The following PLAAT3 variants were observed in gnomAD, a reference collection of about 807,000 sequenced individuals.
PLAAT3 encodes phospholipase A and acyltransferase 3.
A neutral mutation model predicts 16.7 loss-of-function variants in PLAAT3; 21 were observed. That is an observed-to-expected ratio of 1.26 (90% CI 0.89 to 1.81). PLAAT3 has a LOEUF of 1.81. Ranked by LOEUF, PLAAT3 falls within the 40% of genes most tolerant of loss-of-function variation. The pLI is 0.00. For synonymous variants in PLAAT3, 76 were observed against 81.7 expected (o/e 0.93, Z 0.38); for missense variants, 219 against 213.7 (o/e 1.02, Z -0.16).
intron 2 of PLAAT3, chr11:63,608,662 G>T (rs1460707005): frequency 1.3e-5 from 2 of 152,174 alleles, no homozygotes; most frequent in African/African-American, 2.4e-5. Flanking sequence ...CGTGCCATTT[G>T]TCTCATCAGA....
rs1938647406 is a variant in PLAAT3 at position 63,609,680 on chromosome 11, G to C, written c.15+4320C>G. On this transcript the variant is annotated intron_variant, in intron 2 of 4. Coordinates refer to ENST00000415826, the MANE Select transcript of PLAAT3 (RefSeq NM_001128203.2). ...GGAGGAGGAGGGATGAACAGCAGCT[G>C]GCCTGACACATTACACTTTCCCTTA... 2.0e-5 allele frequency among the ~76,000 whole-genome samples: 3 copies of C among 152,172 alleles called. No individual in the cohort carries two copies. In the South Asian group the frequency reaches 6.2e-4, roughly 32 times the overall value.
intron 4 of PLAAT3, among the ~76,000 whole-genome samples, chr11:63,589,435 G>T (rs868173685): frequency 6.8e-6 from 1 of 147,996 alleles, no homozygotes; most frequent in Non-Finnish European, 1.5e-5. Context: ...AAAAAAGATG[G>T]AAGTGGCTGA....
chr11:63,575,121 T>G, intron 4 of PLAAT3, 75 bp from the exon 5 acceptor site: 1 of 1,020,724 alleles, frequency 9.8e-7, no homozygotes, highest in Non-Finnish European at 1.5e-6. Context: ...GCAGAAACAT[T>G]CAGCTCGGGA....
chr11:63,575,484 C>T (rs1002245094), intron 4 of PLAAT3, among the ~76,000 whole-genome samples: 1 of 152,204 alleles, frequency 6.6e-6, no homozygotes, highest in Non-Finnish European at 1.5e-5. Context: ...TCTTGTTCAT[C>T]ACTGTATCCC....
At chr11:63,589,456 G>A (rs892317322) in intron 4 of PLAAT3, among the ~76,000 whole-genome samples, 2 of 150,314 alleles carry the variant, frequency 1.3e-5, no homozygotes, top group African/African-American at 4.9e-5. Flanking sequence ...AAGGGAGGGG[G>A]AAGAAGTGCA....
At chr11:63,591,182 G>A (rs1300892488) in intron 3 of PLAAT3, among the ~76,000 whole-genome samples, 2 of 152,140 alleles carry the variant, frequency 1.3e-5, no homozygotes, top group African/African-American at 4.8e-5. Context: ...AGGAGTTTCA[G>A]ACAAGCCTGG....
Position 63,590,100 on chromosome 11 carries a change from C to G in PLAAT3, c.387G>C (p.Gln129His), listed in dbSNP as rs1347471928. The change falls in exon 4 of 5, where the codon CAG becomes CAC. Residue 129 changes from glutamine (Q) to histidine (H), a missense_variant and splice_region_variant. Gln to His is a conservative substitution (Grantham distance 24). Coordinates refer to ENST00000415826, the MANE Select transcript of PLAAT3 (RefSeq NM_001128203.2). ...ELRYGVARSD[Q>H]VRDVIIAASV... ...AAGGCGACACAGGCAGAGGACGCAC[C>G]TGGTCACTGCGGGCGACTCCATAGC... The G allele has an allele frequency of 1.2e-6, 2 of 1,612,780 alleles. No individual in the cohort carries two copies. Among genetic ancestry groups the G allele is most frequent in the East Asian group, 2.2e-5 (1 of 44,884 alleles).
chr11:63,606,439 C>CAT (rs1938564125), intron 2 of PLAAT3, among the ~76,000 whole-genome samples: 3 of 151,668 alleles, frequency 2.0e-5, no homozygotes, highest in African/African-American at 4.9e-5. Flanking sequence ...CACACACACA[C>CAT]ACACACACAC....
chr11:63,606,431 C>CACACACACAT (rs1159483717), intron 2 of PLAAT3, among the ~76,000 whole-genome samples: 1 of 150,016 alleles, frequency 6.7e-6, no homozygotes, highest in Non-Finnish European at 1.5e-5. Flanking sequence ...ATAAAACACA[C>CACACACACAT]ACACACACAC....
At position 63,590,312 on chromosome 11, in the gene PLAAT3, T is replaced by C. The variant is rs1938117357; in HGVS notation, c.175A>G (p.Ile59Val). The C allele has an allele frequency of 1.9e-6, 3 of 1,614,146 alleles. No homozygotes were observed. Among genetic ancestry groups the C allele is most frequent in the East Asian group, 2.2e-5 (1 of 44,890 alleles). Residue 59 changes from isoleucine (I) to valine (V), a missense_variant, in exon 4 of 5, where the codon ATC becomes GTC. Physicochemically the swap from Ile to Val is conservative, Grantham distance 29. Transcript: ENST00000415826. ...SVMSALTDKA[I>V]VKKELLYDVA... Reference sequence around the variant, plus strand: ...TCATACAGCAATTCCTTCTTCACGATGGCCTTGTCAGTCAGGGCGGACATG... The same window carrying C: ...TCATACAGCAATTCCTTCTTCACGACGGCCTTGTCAGTCAGGGCGGACATG...
rs577337165 is a variant in PLAAT3, at chr11:63,608,137, G to A, written c.15+5863C>T. Among the ~76,000 whole-genome samples, 14 of 152,230 alleles carry A rather than the reference G, an allele frequency of 9.2e-5. No homozygotes were observed. In the South Asian group the frequency reaches 2.5e-3, roughly 27 times the overall value. ...GCAGAGGTCGCAGTGAGCCGAGATC[G>A]TGCCACTGCACTCCAGCCTGGGCGA... On this transcript the variant is annotated intron_variant, in intron 2 of 4. Coordinates refer to ENST00000415826, the MANE Select transcript of PLAAT3 (RefSeq NM_001128203.2).
At chr11:63,596,695 C>T (rs1465683313) in intron 3 of PLAAT3, among the ~76,000 whole-genome samples, 1 of 151,814 alleles carries the variant, frequency 6.6e-6, no homozygotes, top group African/African-American at 2.4e-5. Context: ...ACTGTAATCC[C>T]CATGTGTCAG....
chr11:63,594,210 C>G (rs1345689677), intron 3 of PLAAT3, among the ~76,000 whole-genome samples: 1 of 152,216 alleles, frequency 6.6e-6, no homozygotes, highest in African/African-American at 2.4e-5. Flanking sequence ...GCCAGGTAGA[C>G]ACCCAAGTGG....
At chr11:63,595,944 G>C (rs1938275917) in intron 3 of PLAAT3, among the ~76,000 whole-genome samples, 1 of 152,116 alleles carries the variant, frequency 6.6e-6, no homozygotes, top group Non-Finnish European at 1.5e-5. Context: ...TTACGCTTAA[G>C]AGTTGAGTGT....
intron 3 of PLAAT3, among the ~76,000 whole-genome samples, chr11:63,596,404 T>C (rs1938290143): frequency 6.6e-6 from 1 of 151,940 alleles, no homozygotes; most frequent in South Asian, 2.1e-4. Context: ...TGGAAGACAA[T>C]TTTTCCATGG....
chr11:63,611,964 C>A (rs901922510), intron 2 of PLAAT3, among the ~76,000 whole-genome samples: 1 of 152,040 alleles, frequency 6.6e-6, no homozygotes. Context: ...CATGGAGAAA[C>A]CCTGTCTCTA....
intron 4 of PLAAT3, among the ~76,000 whole-genome samples, chr11:63,589,283 T>C (rs1938069864): frequency 2.6e-5 from 4 of 151,328 alleles, no homozygotes; most frequent in Admixed American, 2.6e-4. Context: ...AAATTGGATC[T>C]CAAAAAAAAT....
chr11:63,582,241 G>T (rs908936776), intron 4 of PLAAT3, among the ~76,000 whole-genome samples: 1 of 152,084 alleles, frequency 6.6e-6, no homozygotes, highest in African/African-American at 2.4e-5. Flanking sequence ...AAAGAGCAAA[G>T]AAACAGAAAA....
At chr11:63,595,017 G>A (rs910304001) in intron 3 of PLAAT3, among the ~76,000 whole-genome samples, 13 of 152,242 alleles carry the variant, frequency 8.5e-5, no homozygotes, top group Non-Finnish European at 1.5e-4. Context: ...AGGGCCGTGC[G>A]CGGTGGCTCA....
Sources: allele counts gnomAD v4.1 joint callset (sites outside exome capture counted in the v4.1 genomes callset), GRCh38; gene constraint gnomAD v4.1.1; transcripts MANE v1.5; gene names NCBI Gene and HGNC (gene_info 2026-07-23, HGNC 2026-07-21).